MACF1: variants seen among roughly 807,000 people sequenced by gnomAD.
MACF1 encodes the protein microtubule actin crosslinking factor 1, also known as microtubule-actin cross-linking factor 1.
In MACF1, 193 loss-of-function variants were observed where a neutral mutation model predicts 854.8. That is an observed-to-expected ratio of 0.23 (90% CI 0.20 to 0.25). MACF1 has a LOEUF of 0.25. Ranked by LOEUF, MACF1 falls within the 10% of genes least tolerant of loss-of-function variation. MACF1 has a pLI of 1.00. For missense variants in MACF1, 7,722 were observed against 8,929.1 expected (o/e 0.86, Z 5.45); for synonymous variants, 3,185 against 3,226.7 (o/e 0.99, Z 0.44).
chr1:39,290,484 T>C (rs1645751926), intron 15 of MACF1, among the ~76,000 whole-genome samples: 3 of 152,164 alleles, frequency 2.0e-5, no homozygotes, highest in Admixed American at 2.0e-4. Flanking sequence ...AGTTTTGTTC[T>C]TTTTGCTCAG....
intron 1 of MACF1, among the ~76,000 whole-genome samples, chr1:39,224,831 A>T (rs1644693860): frequency 6.6e-6 from 1 of 152,230 alleles, no homozygotes; most frequent in Non-Finnish European, 1.5e-5. Context: ...AGGTATTGAT[A>T]GCATGATGCT....
chr1:39,477,153 CAG>C (rs1553458200), intron 97 of MACF1, among the ~76,000 whole-genome samples: 4 of 119,246 alleles, frequency 3.4e-5, no homozygotes, highest in African/African-American at 1.2e-4. Context: ...CACACACACA[CAG>C]ATGTGCAAAG....
At chr1:39,306,860 A>G (rs548857875) in intron 23 of MACF1, among the ~76,000 whole-genome samples, 1 of 144,896 alleles carries the variant, frequency 6.9e-6, no homozygotes, top group African/African-American at 2.5e-5. Context: ...CATTTTTTGA[A>G]ATTATTATTA....
intron 56 of MACF1, among the ~76,000 whole-genome samples, 170 bp from the exon 57 acceptor site, chr1:39,385,264 C>T (rs1569830891): frequency 6.6e-6 from 1 of 152,044 alleles, no homozygotes; most frequent in Admixed American, 6.5e-5. Context: ...GACGGGGTTT[C>T]GCCACGTTGG....
chr1:39,313,699 A>G (rs937721116), intron 26 of MACF1, among the ~76,000 whole-genome samples: 1 of 152,018 alleles, frequency 6.6e-6, no homozygotes, highest in Non-Finnish European at 1.5e-5. Context: ...AAATTTCCCA[A>G]AGTTAGCCAA....
intron 58 of MACF1, among the ~76,000 whole-genome samples, chr1:39,393,846 G>GGAGGGA (rs1642156598): frequency 7.1e-6 from 1 of 140,738 alleles, no homozygotes; most frequent in African/African-American, 2.7e-5. Context: ...AGGGAGGGAG[G>GGAGGGA]GAGAGAGAGA....
upstream of MACF1, among the ~76,000 whole-genome samples, chr1:39,200,727 C>T (rs1439650965): frequency 6.6e-6 from 1 of 151,264 alleles, no homozygotes; most frequent in African/African-American, 2.4e-5. Context: ...AAAAAAATTC[C>T]AGGCCAGGTC....
chr1:39,360,722 A>AT, intron 47 of MACF1, 71 bp from the exon 48 acceptor site: 89 of 511,326 alleles, frequency 1.7e-4, no homozygotes, highest in Non-Finnish European at 2.4e-4. Context: ...TAATAATATT[A>AT]ATAATAAAGT....
chr1:39,315,711 G>A lies in MACF1; in HGVS notation c.3449+20G>A. ...GAATAAGTGAGTGAGCTGAGGTTTTGGGTCCAAGAGCAATATTTTCCATTG... is the reference window on the plus strand; with the variant it reads ...GAATAAGTGAGTGAGCTGAGGTTTTAGGTCCAAGAGCAATATTTTCCATTG... On this transcript the variant is annotated intron_variant, in intron 27 of 100. Coordinates refer to ENST00000564288, the MANE Select transcript of MACF1 (RefSeq NM_001394062.1). 6.2e-7 allele frequency: 1 copy of A among 1,609,598 alleles called. No individual in the cohort carries two copies.
Position 39,437,918 on chromosome 1 carries a change from A to C in MACF1, c.18130A>C (p.Lys6044Gln). 1 of 1,614,160 alleles carries C rather than the reference A, an allele frequency of 6.2e-7. No homozygotes were observed. The highest frequency in any genetic ancestry group is 8.5e-7 in the Non-Finnish European group (1 of 1,180,014). ...TAAGAGTGCCACCGTGGAGCTAGAA[A>C]AACTGCAGCCATCCTTTGAGGCCTT... ...DNKSATVELE[K>Q]LQPSFEALKR... Residue 6044 changes from lysine to glutamine, a missense_variant, in exon 71 of 101, where the codon AAA becomes CAA. Around this residue, in one of 15 missense-constraint regions of MACF1, gnomAD observed 2,807 missense variants for 3,235.8 expected, o/e 0.87. Transcript: ENST00000564288.
intron 70 of MACF1, chr1:39,436,379 C>G: frequency 1.7e-6 from 2 of 1,206,354 alleles, no homozygotes; most frequent in Middle Eastern, 1.9e-4. Flanking sequence ...TCCCATCTCT[C>G]ACTCACATTG....
At chr1:39,289,029 A>G (rs1645712659) in intron 15 of MACF1, among the ~76,000 whole-genome samples, 1 of 152,162 alleles carries the variant, frequency 6.6e-6, no homozygotes, top group Non-Finnish European at 1.5e-5. Flanking sequence ...ACTTAACATA[A>G]TAACCTCTAG....
intron 23 of MACF1, among the ~76,000 whole-genome samples, chr1:39,306,542 C>G (rs1365134900): frequency 2.0e-5 from 3 of 151,614 alleles, no homozygotes; most frequent in East Asian, 1.9e-4. Context: ...AAAGGATTCC[C>G]AATATGGCCA....
At chr1:39,302,565 A>G (rs1406938074) in intron 22 of MACF1, among the ~76,000 whole-genome samples, 1 of 152,194 alleles carries the variant, frequency 6.6e-6, no homozygotes, top group Non-Finnish European at 1.5e-5. Flanking sequence ...AAATATCATA[A>G]AAACAATGTT....
At chr1:39,209,581 T>G (rs1477719558) in intron 1 of MACF1, among the ~76,000 whole-genome samples, 2 of 152,150 alleles carry the variant, frequency 1.3e-5, no homozygotes, top group African/African-American at 4.8e-5. Flanking sequence ...AATCCCTGGA[T>G]CCAAACTATA....
chr1:39,138,274 A>T (rs1026136725), intron 2 of MACF1, among the ~76,000 whole-genome samples: 4 of 152,076 alleles, frequency 2.6e-5, no homozygotes, highest in Admixed American at 1.3e-4. Context: ...AGAGGTCCTA[A>T]CAAACACTTG....
intron 4 of MACF1, among the ~76,000 whole-genome samples, chr1:39,252,341 C>G (rs1168758713): frequency 2.6e-5 from 4 of 152,160 alleles, no homozygotes; most frequent in Admixed American, 6.5e-5. Flanking sequence ...CTAACTGGTA[C>G]TCTCCACCTC....
chr1:39,341,874 G>A (rs1646942603), intron 40 of MACF1, among the ~76,000 whole-genome samples: 1 of 151,006 alleles, frequency 6.6e-6, no homozygotes, highest in Non-Finnish European at 1.5e-5. Context: ...CCAATCCTAC[G>A]TGCACACACA....
At position 39,422,722 on chromosome 1, in the gene MACF1, T is replaced by A; in HGVS notation, c.15979-8T>A. ...TTCTCATAATGAACCTACATGTTCA[T>A]GATACAGGTCGCACAAAGAATTGCA... On this transcript the variant is annotated splice_polypyrimidine_tract_variant and splice_region_variant and intron_variant, in intron 59 of 100. Transcript: ENST00000564288. 2 of 1,613,272 alleles carry A rather than the reference T, an allele frequency of 1.2e-6. No homozygotes were observed. The highest frequency in any genetic ancestry group is 1.7e-6 in the Non-Finnish European group (2 of 1,179,206).
Sources: gnomAD v4.1 joint callset for allele counts (sites outside exome capture counted in the v4.1 genomes callset) on GRCh38, gnomAD v4.1.1 for gene constraint, gnomAD v4.1.1 regional missense constraint, MANE v1.5 for transcripts, NCBI Gene and HGNC (gene_info 2026-07-23, HGNC 2026-07-21) for gene names.